The following FBXL7 variants were observed in gnomAD, a reference collection of about 807,000 sequenced individuals.
FBXL7 encodes F-box/LRR-repeat protein 7.
FBXL7 carries 12 observed loss-of-function variants against 38.3 expected under a neutral mutation model. The ratio of observed to expected loss-of-function variants is 0.31; its 90% CI spans 0.20 to 0.51. The LOEUF (loss-of-function observed/expected upper bound fraction) is 0.51. Among genes scored for constraint, FBXL7 ranks in the 20% least tolerant of loss-of-function variants. FBXL7 has a pLI of 0.98. For synonymous variants in FBXL7, 297 were observed against 300.9 expected (o/e 0.99, Z 0.13); for missense variants, 567 against 676.4 (o/e 0.84, Z 1.79).
At chr5:15,608,715 T>A (rs556450322) in intron 1 of FBXL7, among the ~76,000 whole-genome samples, 6 of 152,324 alleles carry the variant, frequency 3.9e-5, no homozygotes, top group Non-Finnish European at 8.8e-5. Context: ...TCCTGCAGCC[T>A]CAACTTCTGC....
chr5:15,767,025 G>A (rs541033565), intron 2 of FBXL7, among the ~76,000 whole-genome samples: 11 of 151,118 alleles, frequency 7.3e-5, no homozygotes, highest in South Asian at 2.1e-4. Flanking sequence ...TTTAAGTTCC[G>A]GGGTACCCGT....
At chr5:15,832,590 G>GT in intron 2 of FBXL7, among the ~76,000 whole-genome samples, 1 of 152,308 alleles carries the variant, frequency 6.6e-6, no homozygotes. Flanking sequence ...GGTTTTGCAA[G>GT]TGGCTATCAG....
chr5:15,809,503 G>GT lies in FBXL7; in HGVS notation c.128-118383dup, dbSNP rs369258541. On this transcript the variant is annotated intron_variant, in intron 2 of 3. Transcript: ENST00000504595. ...ATAAATTTGATAGGGGATACGTAAGGTTTTGGCACTGAGCCTAATATAGAG... is the reference window on the plus strand; with the variant it reads ...ATAAATTTGATAGGGGATACGTAAGGTTTTTGGCACTGAGCCTAATATAGAG... Among the ~76,000 whole-genome samples the GT allele has an allele frequency of 5.7e-4, 87 of 152,244 alleles. 1 individual carries two copies. The highest frequency in any genetic ancestry group is 2.0e-3 in the African/African-American group (83 of 41,546).
chr5:15,855,584 A>T (rs1739231383), intron 2 of FBXL7, among the ~76,000 whole-genome samples: 1 of 152,168 alleles, frequency 6.6e-6, no homozygotes, highest in Non-Finnish European at 1.5e-5. Flanking sequence ...TCACAAATTC[A>T]ATCTGTTAAA....
intron 2 of FBXL7, among the ~76,000 whole-genome samples, chr5:15,620,217 C>G (rs1006563364): frequency 6.6e-6 from 1 of 150,486 alleles, no homozygotes; most frequent in East Asian, 2.0e-4. Flanking sequence ...TCATCACAAA[C>G]TATTCTTTTT....
chr5:15,776,266 A>G (rs1461251855), intron 2 of FBXL7, among the ~76,000 whole-genome samples: 2 of 152,134 alleles, frequency 1.3e-5, no homozygotes, highest in African/African-American at 4.8e-5. Context: ...ATAGATGAGT[A>G]TAGTAAGTTT....
chr5:15,770,933 A>G (rs13174706), intron 2 of FBXL7, among the ~76,000 whole-genome samples: 16,183 of 152,192 alleles, frequency 0.11, 1,007 homozygotes, highest in South Asian at 0.16. Flanking sequence ...GAGTTACCAA[A>G]CTTGGGGTTA....
chr5:15,543,523 G>A (rs1737815633), intron 1 of FBXL7, among the ~76,000 whole-genome samples: 2 of 152,140 alleles, frequency 1.3e-5, no homozygotes, highest in Admixed American at 1.3e-4. Context: ...TACACAGCAG[G>A]CTTCAAGCTA....
chr5:15,772,325 T>C (rs530744075), intron 2 of FBXL7, among the ~76,000 whole-genome samples: 5 of 152,316 alleles, frequency 3.3e-5, no homozygotes, highest in African/African-American at 1.2e-4. Flanking sequence ...TGTGGAATAC[T>C]TGATGTGTCA....
At chr5:15,869,548 T>G (rs1390055760) in intron 2 of FBXL7, among the ~76,000 whole-genome samples, 1 of 152,218 alleles carries the variant, frequency 6.6e-6, no homozygotes, top group Non-Finnish European at 1.5e-5. Context: ...TTTACTAATT[T>G]GTTTTGGTAT....
Position 15,936,734 on chromosome 5 carries a change from C to T in FBXL7, c.1024C>T (p.Leu342=), listed in dbSNP as rs752807427. 5 of 1,609,314 alleles carry T rather than the reference C, an allele frequency of 3.1e-6. No individual in the cohort carries two copies. The Admixed American group carries it at 6.7e-5, about 22-fold the overall frequency. The change falls in exon 4 of 4, where the codon CTG becomes TTG. Residue 342 remains leucine, a synonymous_variant. Coordinates refer to ENST00000504595, the MANE Select transcript of FBXL7 (RefSeq NM_012304.5). This position sits in a 1 kb window ranked among gnomAD's most constrained non-coding sequence, Gnocchi z 6.0. ...SDCRFVSDFG[L]REIAKLESRL... ...CTGCCGCTTCGTCAGCGACTTCGGC[C>T]TGCGGGAGATCGCCAAGCTGGAGTC... is the stretch of plus-strand genomic sequence containing the variant.
chr5:15,811,586 T>A (rs1406779428), intron 2 of FBXL7, among the ~76,000 whole-genome samples: 2 of 152,142 alleles, frequency 1.3e-5, no homozygotes, highest in East Asian at 3.9e-4. Context: ...ACATATGATT[T>A]TGGGGAAGGG....
At chr5:15,866,759 G>A (rs1369263963) in intron 2 of FBXL7, among the ~76,000 whole-genome samples, 2 of 150,232 alleles carry the variant, frequency 1.3e-5, no homozygotes, top group Admixed American at 6.7e-5. Context: ...AGAATATGCG[G>A]TATTTGGTTT....
intron 2 of FBXL7, among the ~76,000 whole-genome samples, chr5:15,715,620 C>G (rs1400510407): frequency 6.6e-6 from 1 of 151,862 alleles, no homozygotes; most frequent in Non-Finnish European, 1.5e-5. Context: ...CTGCTGTAGA[C>G]AATACCTAAA....
In FBXL7 at chr5:15,688,526, T is replaced by A. The variant is rs368438904; in HGVS notation, c.127+72454T>A. On this transcript the variant is annotated intron_variant, in intron 2 of 3. Transcript: ENST00000504595. ...TTAACCATCTGGTAACTCCAACCAT[T>A]CTCTTAACCATCTAGTAACTCAAAC... 2.8e-4 allele frequency among the ~76,000 whole-genome samples: 42 copies of A among 152,204 alleles called. No homozygotes were observed. In the East Asian group the frequency reaches 5.0e-3, roughly 18 times the overall value.
At chr5:15,890,277 G>A (rs559628100) in intron 2 of FBXL7, among the ~76,000 whole-genome samples, 13 of 152,136 alleles carry the variant, frequency 8.5e-5, no homozygotes, top group Non-Finnish European at 8.8e-5. Context: ...TTTTAAGACA[G>A]AGTTTTGCTC....
intron 1 of FBXL7, among the ~76,000 whole-genome samples, chr5:15,571,616 T>G (rs926325171): frequency 9.9e-5 from 15 of 152,114 alleles, no homozygotes; most frequent in African/African-American, 3.6e-4. Flanking sequence ...TAAATTCATA[T>G]GAGTTGGTAG....
intron 2 of FBXL7, among the ~76,000 whole-genome samples, chr5:15,721,963 T>G (rs1322513389): frequency 6.6e-6 from 1 of 152,096 alleles, no homozygotes; most frequent in Non-Finnish European, 1.5e-5. Flanking sequence ...GCCTCCTGAG[T>G]AGCTGGGACT....
chr5:15,645,660 C>T (rs1741507219), intron 2 of FBXL7, among the ~76,000 whole-genome samples: 1 of 152,154 alleles, frequency 6.6e-6, no homozygotes, highest in African/African-American at 2.4e-5. Context: ...TAACTGAGAC[C>T]TGTCTCAAAT....
Sources: allele counts gnomAD v4.1 joint callset (sites outside exome capture counted in the v4.1 genomes callset), GRCh38; gene constraint gnomAD v4.1.1; non-coding constraint Gnocchi (gnomAD v3.1); transcripts MANE v1.5; gene names NCBI Gene and HGNC (gene_info 2026-07-23, HGNC 2026-07-21).